Variants in PIWIL1 observed in about 807,000 individuals in gnomAD.
The protein encoded by PIWIL1 is piwi like RNA-mediated gene silencing 1.
PIWIL1 carries 73 observed loss-of-function variants against 114.4 expected under a neutral mutation model. The ratio of observed to expected loss-of-function variants is 0.64; its 90% confidence interval spans 0.53 to 0.78. The LOEUF (loss-of-function observed/expected upper bound fraction) is 0.78. Ranked by LOEUF, PIWIL1 falls within the 30% of genes least tolerant of loss-of-function variation. The pLI, the probability that PIWIL1 is intolerant of heterozygous loss-of-function variation, is 0.00. For missense variants in PIWIL1, 723 were observed against 1,063.1 expected (o/e 0.68, Z 4.45); for synonymous variants, 375 against 369.0 (o/e 1.02, Z -0.19).
intron 6 of PIWIL1, among the ~76,000 whole-genome samples, chr12:130,347,530 G>T (rs1223197014): frequency 6.6e-6 from 1 of 152,152 alleles, no homozygotes; most frequent in African/African-American, 2.4e-5. Flanking sequence ...GAAACAATCT[G>T]GATAAGGCTG....
intron 20 of PIWIL1, 39 bp downstream of exon 20, chr12:130,371,362 ACATT>A (rs1397889871): frequency 6.2e-7 from 1 of 1,613,000 alleles, no homozygotes; most frequent in Non-Finnish European, 8.5e-7. Context: ...CAAATAAAGG[ACATT>A]CACTTTTCAA....
the PIWIL1 span, among the ~76,000 whole-genome samples, chr12:130,390,908 C>T: frequency 1.3e-5 from 2 of 152,180 alleles, no homozygotes; most frequent in East Asian, 1.9e-4. Context: ...AGGACCGGTG[C>T]CTGCACAACT....
At chr12:130,340,492 C>A (rs899780346) in intron 1 of PIWIL1, among the ~76,000 whole-genome samples, 3 of 152,048 alleles carry the variant, frequency 2.0e-5, no homozygotes, top group African/African-American at 4.8e-5. Context: ...AGGGTTCTCA[C>A]TCCTAGGAGA....
the PIWIL1 span, among the ~76,000 whole-genome samples, chr12:130,411,569 A>G: frequency 6.6e-6 from 1 of 152,150 alleles, no homozygotes; most frequent in African/African-American, 2.4e-5. Context: ...ATTTTAATCT[A>G]ACTGATAAAT....
chr12:130,425,604 C>T, the PIWIL1 span: 2,318 of 152,474 alleles, frequency 0.015, 46 homozygotes, highest in African/African-American at 0.052. Context: ...ACACCGGGAG[C>T]TGCTTAACCA....
intron 16 of PIWIL1, among the ~76,000 whole-genome samples, 178 bp from the exon 17 acceptor site, chr12:130,362,588 T>A (rs941192402): frequency 6.6e-6 from 1 of 152,258 alleles, no homozygotes; most frequent in African/African-American, 2.4e-5. Flanking sequence ...CGGGATCTCT[T>A]GTATCCTGCT....
At chr12:130,418,567 A>G in the PIWIL1 span, among the ~76,000 whole-genome samples, 2 of 152,176 alleles carry the variant, frequency 1.3e-5, no homozygotes, top group African/African-American at 4.8e-5. Flanking sequence ...GAAAAATGCC[A>G]GTGGAGGAGA....
At chr12:130,339,124 C>G (rs774565290) in intron 1 of PIWIL1, among the ~76,000 whole-genome samples, 63 of 152,198 alleles carry the variant, frequency 4.1e-4, no homozygotes, top group Non-Finnish European at 7.8e-4. Context: ...GCCTTGGGAG[C>G]CGGACGTTGG....
chr12:130,341,165 C>CAGA (rs1170922047), intron 1 of PIWIL1, among the ~76,000 whole-genome samples: 1 of 152,228 alleles, frequency 6.6e-6, no homozygotes, highest in Non-Finnish European at 1.5e-5. Flanking sequence ...AGTATCCAAG[C>CAGA]TGTCTGCAGG....
At chr12:130,359,953 T>TG (rs1410864459) in intron 14 of PIWIL1, among the ~76,000 whole-genome samples, 1 of 152,242 alleles carries the variant, frequency 6.6e-6, no homozygotes, top group Non-Finnish European at 1.5e-5. Context: ...TTTATATCCT[T>TG]GGCTATTTTA....
At chr12:130,405,371 A>G in the PIWIL1 span, among the ~76,000 whole-genome samples, 1 of 152,170 alleles carries the variant, frequency 6.6e-6, no homozygotes, top group South Asian at 2.1e-4. Flanking sequence ...TTGAAGAGAA[A>G]CCTACCGTCC....
intron 14 of PIWIL1, among the ~76,000 whole-genome samples, chr12:130,360,581 C>T (rs1288150767): frequency 1.5e-4 from 23 of 151,988 alleles, no homozygotes; most frequent in Admixed American, 1.2e-3. Flanking sequence ...TGCAGTGAGC[C>T]GAGATCGCAC....
chr12:130,406,317 A>G, the PIWIL1 span: 3 of 963,240 alleles, frequency 3.1e-6, no homozygotes, highest in Non-Finnish European at 4.8e-6. Context: ...TAAGTTCTCT[A>G]TGCTTTCCCT....
chr12:130,367,030 A>T, intron 18 of PIWIL1, 103 bp from the exon 19 acceptor site: 1 of 1,313,358 alleles, frequency 7.6e-7, no homozygotes, highest in Admixed American at 1.8e-5. Flanking sequence ...ACGCCCCAGG[A>T]GGGATGTGTT....
At chr12:130,397,087 T>C in the PIWIL1 span, 1 of 245,940 alleles carries the variant, frequency 4.1e-6, no homozygotes, top group Non-Finnish European at 7.7e-6. Context: ...CTACAGGTGA[T>C]AGCTATGCGC....
chr12:130,404,016 G>A, the PIWIL1 span, among the ~76,000 whole-genome samples: 3 of 152,042 alleles, frequency 2.0e-5, no homozygotes, highest in Non-Finnish European at 4.4e-5. Context: ...AATACATAAC[G>A]AGTCACAGAT....
the PIWIL1 span, chr12:130,424,191 G>A: frequency 1.6e-6 from 2 of 1,232,138 alleles, no homozygotes; most frequent in East Asian, 3.2e-5. This position sits in a 1 kb window ranked among gnomAD's most constrained non-coding sequence, Gnocchi z 9.8. Context: ...GGGGGCAGCT[G>A]CCCTACTGTC....
intron 14 of PIWIL1, 24 bp downstream of exon 14, chr12:130,357,577 G>T: frequency 6.6e-7 from 1 of 1,516,812 alleles, no homozygotes; most frequent in Non-Finnish European, 9.1e-7. Flanking sequence ...TGACATATAG[G>T]CAGTTTTCGG....
At chr12:130,414,065 C>T in the PIWIL1 span, 15 of 1,557,206 alleles carry the variant, frequency 9.6e-6, no homozygotes, top group Non-Finnish European at 1.2e-5. Flanking sequence ...AGTCTCTGCC[C>T]CCATGACCCA....
Sources: gnomAD v4.1 joint callset for allele counts (sites outside exome capture counted in the v4.1 genomes callset) on GRCh38, gnomAD v4.1.1 for gene constraint, Gnocchi (gnomAD v3.1) non-coding constraint, MANE v1.5 for transcripts, NCBI Gene and HGNC (gene_info 2026-07-23, HGNC 2026-07-21) for gene names.